Variants in CNTNAP2 observed in about 807,000 individuals in gnomAD.
The protein encoded by CNTNAP2 is contactin-associated protein-like 2.
In CNTNAP2, 98 loss-of-function variants were observed where a neutral mutation model predicts 155.2. The ratio of observed to expected loss-of-function variants is 0.63; its 90% confidence interval spans 0.54 to 0.75. The LOEUF (loss-of-function observed/expected upper bound fraction) is 0.75, where lower values mean the gene tolerates loss of function less well. Ranked by LOEUF, CNTNAP2 falls within the 30% of genes least tolerant of loss-of-function variation. The pLI, the probability that CNTNAP2 is intolerant of heterozygous loss-of-function variation, is 0.00. For synonymous variants in CNTNAP2, 651 were observed against 631.2 expected (o/e 1.03, Z -0.47); for missense variants, 1,727 against 1,688.1 (o/e 1.02, Z -0.40).
intron 10 of CNTNAP2, among the ~76,000 whole-genome samples, chr7:147,473,557 C>G (rs1013578882): frequency 6.6e-6 from 1 of 151,814 alleles, no homozygotes; most frequent in Non-Finnish European, 1.5e-5. Context: ...TAATGAATAC[C>G]TTTGGTTTAA....
rs551440146 is a variant in CNTNAP2, at chr7:146,415,311, A to G, written c.97+298338A>G. Among the ~76,000 whole-genome samples, 13 of 152,200 alleles carry G rather than the reference A, an allele frequency of 8.5e-5. No individual in the cohort carries two copies. In the East Asian group the frequency reaches 2.1e-3, roughly 25 times the overall value. ...GTGAATTTTAAAATGAATACTTTTT[A>G]TTTGTGTTTTTCTGTTATTGCCAAC... On this transcript the variant is annotated intron_variant, in intron 1 of 23. Transcript: ENST00000361727.
intron 10 of CNTNAP2, among the ~76,000 whole-genome samples, chr7:147,452,131 T>G (rs1450769466): frequency 6.6e-6 from 1 of 152,194 alleles, no homozygotes; most frequent in Non-Finnish European, 1.5e-5. Context: ...TGAAATGACA[T>G]GAGTGTTTTG....
chr7:147,939,339 T>A (rs1800673545), intron 14 of CNTNAP2, among the ~76,000 whole-genome samples: 1 of 151,572 alleles, frequency 6.6e-6, no homozygotes, highest in Admixed American at 6.6e-5. Flanking sequence ...TTTTTTTTTT[T>A]AATTTTATTT....
chr7:147,666,763 T>C (rs78236795), intron 13 of CNTNAP2, among the ~76,000 whole-genome samples: 3,646 of 152,300 alleles, frequency 0.024, 159 homozygotes, highest in African/African-American at 0.081. Flanking sequence ...TGTCCTGTGA[T>C]TGACCTGAAA....
chr7:147,785,541 G>A (rs921648257), intron 13 of CNTNAP2, among the ~76,000 whole-genome samples: 4 of 152,142 alleles, frequency 2.6e-5, no homozygotes, highest in African/African-American at 4.8e-5. Context: ...GTAAATAAGC[G>A]AACCAGCTAG....
chr7:148,189,088 G>A (rs562422061), intron 18 of CNTNAP2, among the ~76,000 whole-genome samples: 10 of 152,258 alleles, frequency 6.6e-5, no homozygotes, highest in African/African-American at 1.9e-4. Flanking sequence ...GGCTTTTCAC[G>A]TACAAAGCTA....
intron 13 of CNTNAP2, among the ~76,000 whole-genome samples, chr7:147,695,053 C>G (rs1040777737): frequency 6.6e-6 from 1 of 152,064 alleles, no homozygotes; most frequent in Non-Finnish European, 1.5e-5. Context: ...TAATTTAGTG[C>G]AAAAGATTTT....
At chr7:146,563,912 A>T (rs1798318336) in intron 1 of CNTNAP2, among the ~76,000 whole-genome samples, 1 of 152,112 alleles carries the variant, frequency 6.6e-6, no homozygotes, top group Non-Finnish European at 1.5e-5. Context: ...GCCCATGGAG[A>T]TACTACCTGG....
chr7:146,452,368 C>T (rs961393526), intron 1 of CNTNAP2, among the ~76,000 whole-genome samples: 5 of 152,056 alleles, frequency 3.3e-5, no homozygotes, highest in Non-Finnish European at 5.9e-5. Context: ...TAATCTATGA[C>T]ATGTATAGTA....
chr7:148,061,920 T>TATAGATAGATAGATAGATAG lies in CNTNAP2; in HGVS notation c.2384-56190_2384-56171dup, dbSNP rs112163050. ...ATAGATAGATAGATAGATAAACAGA[T>TATAGATAGATAGATAGATAG]ATAGATAGATAGATAGATAGATAGA... is the stretch of plus-strand genomic sequence containing the variant. On this transcript the variant is annotated intron_variant, in intron 15 of 23. Coordinates refer to ENST00000361727, the MANE Select transcript of CNTNAP2 (RefSeq NM_014141.6). Among the ~76,000 whole-genome samples, 178 of 125,456 alleles carry TATAGATAGATAGATAGATAG rather than the reference T, an allele frequency of 1.4e-3. 3 individuals carry two copies. The highest frequency in any genetic ancestry group is 2.4e-3 in the Non-Finnish European group (142 of 59,756). 82.3% of individuals were successfully genotyped at this position (125,456 alleles called of 152,430 possible). A position where few individuals can be genotyped will look rare whatever the true frequency, so the allele number is the denominator to read the frequency against.
chr7:147,134,433 A>C (rs1398595814), intron 8 of CNTNAP2, among the ~76,000 whole-genome samples: 3 of 151,870 alleles, frequency 2.0e-5, no homozygotes, highest in Non-Finnish European at 4.4e-5. Context: ...AAGATATAAA[A>C]TCTAAAGATT....
chr7:147,032,039 T>C (rs1799045076), intron 3 of CNTNAP2, among the ~76,000 whole-genome samples: 1 of 152,224 alleles, frequency 6.6e-6, no homozygotes, highest in South Asian at 2.1e-4. Flanking sequence ...TCTGGGATAA[T>C]AAAATGTTCT....
At chr7:148,064,677 TAAA>T (rs35247645) in intron 15 of CNTNAP2, among the ~76,000 whole-genome samples, 1,791 of 126,098 alleles carry the variant, frequency 0.014, 46 homozygotes, top group African/African-American at 0.047. Context: ...TAATAGCTGT[TAAA>T]AAAAAAAAAA....
At chr7:147,067,705 T>C (rs1050805931) in intron 4 of CNTNAP2, among the ~76,000 whole-genome samples, 1 of 152,158 alleles carries the variant, frequency 6.6e-6, no homozygotes, top group African/African-American at 2.4e-5. Flanking sequence ...AACTTCTTTA[T>C]CCTTAAAGAT....
At chr7:148,017,918 C>T (rs1326770586) in intron 15 of CNTNAP2, among the ~76,000 whole-genome samples, 1 of 152,120 alleles carries the variant, frequency 6.6e-6, no homozygotes, top group East Asian at 1.9e-4. Flanking sequence ...ATGGCTTAAG[C>T]CTTTTGGTTT....
At chr7:146,687,805 T>C (rs1180635083) in intron 1 of CNTNAP2, among the ~76,000 whole-genome samples, 2 of 152,180 alleles carry the variant, frequency 1.3e-5, no homozygotes, top group Admixed American at 1.3e-4. Context: ...CAAAACTTTC[T>C]TTGCTTTTGC....
intron 1 of CNTNAP2, among the ~76,000 whole-genome samples, chr7:146,498,633 T>C (rs1797254324): frequency 6.6e-6 from 1 of 151,358 alleles, no homozygotes. Context: ...TTTGTTTATA[T>C]ACACTGTGAA....
chr7:147,575,338 T>A (rs201841294), intron 12 of CNTNAP2, among the ~76,000 whole-genome samples: 1,140 of 108,646 alleles, frequency 0.01, 24 homozygotes, highest in African/African-American at 0.029. Flanking sequence ...TGTGTGTGTG[T>A]GAGAGACTGT....
intron 8 of CNTNAP2, chr7:147,167,702 TGG>T: frequency 9.6e-6 from 3 of 311,936 alleles, no homozygotes; most frequent in Admixed American, 1.0e-4. Flanking sequence ...GGTTCATCTG[TGG>T]GATGCTGAAG....
Sources: gnomAD v4.1 joint callset for allele counts (sites outside exome capture counted in the v4.1 genomes callset) on GRCh38, gnomAD v4.1.1 for gene constraint, MANE v1.5 for transcripts, NCBI Gene and HGNC (gene_info 2026-07-23, HGNC 2026-07-21) for gene names.